Variants in TYW1B observed in about 807,000 individuals in gnomAD.
TYW1B encodes tRNA-yW synthesizing protein 1 homolog B, also known as S-adenosyl-L-methionine-dependent tRNA 4-demethylwyosine synthase TYW1B.
In TYW1B, 73 loss-of-function variants were observed where a neutral mutation model predicts 86.9. That is an observed-to-expected ratio of 0.84 (90% confidence interval 0.70 to 1.02). The LOEUF (loss-of-function observed/expected upper bound fraction) is 1.02. Ranked by LOEUF, TYW1B falls within the 50% of genes least tolerant of loss-of-function variation. TYW1B has a pLI of 0.00. For missense variants in TYW1B, 637 were observed against 827.4 expected (o/e 0.77, Z 2.82); for synonymous variants, 248 against 292.8 (o/e 0.85, Z 1.56).
chr7:72,669,365 T>C (rs868955164), intron 11 of TYW1B, among the ~76,000 whole-genome samples: 23 of 151,860 alleles, frequency 1.5e-4, no homozygotes, highest in African/African-American at 5.3e-4. Flanking sequence ...AGGCTGCTCT[T>C]GAATTCCTGA....
At chr7:72,624,571 A>G (rs1348955400) in intron 12 of TYW1B, among the ~76,000 whole-genome samples, 1 of 152,192 alleles carries the variant, frequency 6.6e-6, no homozygotes, top group African/African-American at 2.4e-5. Context: ...CCAAGGAAGA[A>G]TCTCATTAAC....
chr7:72,591,864 G>C (rs1191365203), intron 13 of TYW1B, among the ~76,000 whole-genome samples: 1 of 151,898 alleles, frequency 6.6e-6, no homozygotes, highest in African/African-American at 2.4e-5. Context: ...CTGTTGCCCA[G>C]ACTAGAGTGT....
chr7:72,644,288 A>G (rs185488154), intron 11 of TYW1B, among the ~76,000 whole-genome samples: 2 of 152,156 alleles, frequency 1.3e-5, no homozygotes, highest in East Asian at 3.8e-4. Context: ...TGGGGCTCAC[A>G]CCTATAATCC....
intron 13 of TYW1B, among the ~76,000 whole-genome samples, chr7:72,593,593 C>T (rs535464799): frequency 2.0e-5 from 3 of 152,046 alleles, no homozygotes; most frequent in African/African-American, 7.2e-5. Flanking sequence ...GAAGCCAAGG[C>T]GGGCGGATCA....
intron 1 of TYW1B, 43 bp downstream of exon 1, chr7:72,828,029 C>G: frequency 6.2e-7 from 1 of 1,612,492 alleles, no homozygotes; most frequent in African/African-American, 1.3e-5. Context: ...AAACGTTTAC[C>G]TCCCCTGCCG....
chr7:72,601,341 CA>C (rs564355064), intron 13 of TYW1B, among the ~76,000 whole-genome samples: 28 of 137,536 alleles, frequency 2.0e-4, no homozygotes, highest in East Asian at 8.3e-4. Flanking sequence ...AGCTAAACCT[CA>C]AAAAAAAAAA....
intron 11 of TYW1B, among the ~76,000 whole-genome samples, chr7:72,654,687 C>A (rs1405664956): frequency 6.6e-6 from 1 of 152,152 alleles, no homozygotes; most frequent in Non-Finnish European, 1.5e-5. Context: ...TCAAGACCAG[C>A]CTGGCCAATA....
chr7:72,760,675 C>G (rs1787671575), intron 7 of TYW1B, among the ~76,000 whole-genome samples: 1 of 152,118 alleles, frequency 6.6e-6, no homozygotes, highest in South Asian at 2.1e-4. Context: ...TTATGTAAAT[C>G]TTTAATCAAT....
Position 72,826,841 on chromosome 7 carries a change from AT to A in TYW1B, c.135+13del, listed in dbSNP as rs202096564. 1.5e-3 allele frequency: 2,407 copies of A among 1,605,462 alleles called. 23 individuals are homozygous for A. The African/African-American group carries it at 0.02, about 14-fold the overall frequency. On this transcript the variant is annotated intron_variant, in intron 2 of 13. Coordinates refer to ENST00000620995, the MANE Select transcript of TYW1B (RefSeq NM_001145440.3). The stretch of plus-strand genomic sequence containing the variant: ...ATGCCTAAATACTCTATTAAAAAAA[AT>A]AACTCCACTTACCTGCATCTCGATG...
chr7:72,626,947 T>C (rs558669983), intron 12 of TYW1B, among the ~76,000 whole-genome samples: 1 of 151,990 alleles, frequency 6.6e-6, no homozygotes, highest in Non-Finnish European at 1.5e-5. Flanking sequence ...AAGCTTACCA[T>C]CAAACTTAGT....
intron 6 of TYW1B, among the ~76,000 whole-genome samples, chr7:72,779,853 C>A (rs1190878753): frequency 1.4e-5 from 2 of 146,056 alleles, no homozygotes; most frequent in East Asian, 2.0e-4. Flanking sequence ...ATCAAATGTA[C>A]CAAATGAGAA....
chr7:72,788,309 G>A (rs1188478903), intron 6 of TYW1B, among the ~76,000 whole-genome samples: 20 of 151,934 alleles, frequency 1.3e-4, no homozygotes, highest in Non-Finnish European at 2.1e-4. Flanking sequence ...TCCTCTTCCC[G>A]GGCTTCAAAA....
intron 6 of TYW1B, among the ~76,000 whole-genome samples, chr7:72,791,129 A>G (rs1554473283): frequency 6.6e-6 from 1 of 152,142 alleles, no homozygotes; most frequent in African/African-American, 2.4e-5. Context: ...TGATTAGAGG[A>G]GCGCTATGGA....
intron 11 of TYW1B, among the ~76,000 whole-genome samples, chr7:72,675,686 A>G (rs561355028): frequency 6.6e-6 from 1 of 152,008 alleles, no homozygotes; most frequent in South Asian, 2.1e-4. Flanking sequence ...ACTACTCCAC[A>G]GTCATCATAG....
At chr7:72,776,820 AATATAT>A (rs1316090788) in intron 7 of TYW1B, among the ~76,000 whole-genome samples, 1 of 150,860 alleles carries the variant, frequency 6.6e-6, no homozygotes, top group South Asian at 2.1e-4. Context: ...TTAAAATACA[AATATAT>A]ATATATATTT....
chr7:72,740,641 C>T (rs1335003530), intron 8 of TYW1B, among the ~76,000 whole-genome samples: 27 of 151,762 alleles, frequency 1.8e-4, no homozygotes, highest in Non-Finnish European at 2.8e-4. Flanking sequence ...ACAAACAAAA[C>T]CCAGAGCAAG....
chr7:72,778,298 C>T (rs1240973314), intron 6 of TYW1B, among the ~76,000 whole-genome samples: 3 of 152,150 alleles, frequency 2.0e-5, no homozygotes, highest in Non-Finnish European at 4.4e-5. Flanking sequence ...ACCTGATGTA[C>T]AATAGGCGTT....
At chr7:72,721,657 C>T (rs1395923386) in intron 9 of TYW1B, among the ~76,000 whole-genome samples, 1 of 152,012 alleles carries the variant, frequency 6.6e-6, no homozygotes, top group African/African-American at 2.4e-5. Context: ...CACAGGCACA[C>T]ATACACGCAC....
chr7:72,723,989 G>GTT (rs202113253), intron 9 of TYW1B, among the ~76,000 whole-genome samples: 83 of 143,088 alleles, frequency 5.8e-4, no homozygotes, highest in South Asian at 2.1e-3. Context: ...ACTAATTAGG[G>GTT]TTTTTTTTTC....
Sources: gnomAD v4.1 joint callset for allele counts (sites outside exome capture counted in the v4.1 genomes callset) on GRCh38, gnomAD v4.1.1 for gene constraint, MANE v1.5 for transcripts, NCBI Gene and HGNC (gene_info 2026-07-23, HGNC 2026-07-21) for gene names.